The following AZI2 variants were observed in gnomAD, a reference collection of about 807,000 sequenced individuals.
AZI2 encodes 5-azacytidine-induced protein 2.
Under a neutral mutation model 45.8 loss-of-function variants are expected in AZI2, and 22 were observed. The ratio of observed to expected loss-of-function variants is 0.48; its 90% CI spans 0.34 to 0.69. The LOEUF (loss-of-function observed/expected upper bound fraction) is 0.69. Ranked by LOEUF, AZI2 falls within the 30% of genes least tolerant of loss-of-function variation. The probability of loss-of-function intolerance (pLI) is 0.01; values close to 1 mark genes in which losing one functional copy is unlikely to be tolerated. For missense variants in AZI2, 417 were observed against 441.5 expected, an observed-to-expected ratio of 0.94 and a Z score of 0.50; for synonymous variants, 137 against 156.7, an observed-to-expected ratio of 0.87 and a Z score of 0.94.
Position 28,322,944 on chromosome 3 carries a change from C to A in AZI2, c.*1098G>T, listed in dbSNP as rs1038479480. 1 of 151,038 alleles carries A rather than the reference C, an allele frequency of 6.6e-6. No homozygotes were observed. The highest frequency in any genetic ancestry group is 1.5e-5 in the Non-Finnish European group (1 of 67,336). 9.4% of individuals were successfully genotyped at this position (151,038 alleles called of 1,614,324 possible). A position where few individuals can be genotyped will look rare whatever the true frequency, so the allele number is the denominator to read the frequency against. ...GGTGTATGAACCAAGTAAATCTCCA[C>A]CCTGAAAGAACTTAAATTTCCATGT... On this transcript the variant is annotated 3_prime_UTR_variant, in exon 8 of 8. Transcript: ENST00000479665.
At position 28,324,296 on chromosome 3, in the gene AZI2, C is replaced by T. The variant is rs1703297738; in HGVS notation, c.925G>A (p.Val309Ile). The T allele has an allele frequency of 6.2e-6, 10 of 1,607,622 alleles. No homozygotes were observed. Among genetic ancestry groups the T allele is most frequent in the African/African-American group, 1.3e-5 (1 of 74,452 alleles). The change falls in exon 8 of 8, where the codon GTT becomes ATT. Residue 309 changes from valine (V) to isoleucine (I), a missense_variant. Physicochemically the swap from Val to Ile is conservative, Grantham distance 29. Coordinates refer to ENST00000479665, the MANE Select transcript of AZI2 (RefSeq NM_022461.5). ...TSSPLPGDVK[V>I]LSEKAILQSW... ...TGGAGGATTGCTTTCTCTGATAAAA[C>T]CTTTACATCTCCTGGTAAAGGGGAA... is the stretch of plus-strand genomic sequence containing the variant.
intron 1 of AZI2, chr3:28,341,440 C>T (rs1268167986): frequency 6.6e-6 from 1 of 152,022 alleles, no homozygotes; most frequent in African/African-American, 2.4e-5. Context: ...ATATTGATTA[C>T]TGAATGAAGA....
At chr3:28,342,315 C>T (rs184119134) in intron 1 of AZI2, among the ~76,000 whole-genome samples, 1 of 152,050 alleles carries the variant, frequency 6.6e-6, no homozygotes, top group East Asian at 1.9e-4. Flanking sequence ...TCTTCATTAA[C>T]ATCAATTTAA....
At chr3:28,338,695 T>C in intron 2 of AZI2, 80 bp from the exon 3 acceptor site, 1 of 1,265,666 alleles carries the variant, frequency 7.9e-7, no homozygotes, top group Admixed American at 2.4e-5. Context: ...GATGGCTCCA[T>C]ATCTTACTTC....
At position 28,324,556 on chromosome 3, in the gene AZI2, T is replaced by G. The variant is rs1342111616; in HGVS notation, c.767-102A>C. 2.7e-6 allele frequency: 3 copies of G among 1,105,222 alleles called. No homozygotes were observed. The Admixed American group carries it at 9.2e-5, about 34-fold the overall frequency. The allele number at this position is 1,105,222 out of a possible 1,614,324, so 68.5% of individuals were successfully genotyped here. On this transcript the variant is annotated intron_variant, in intron 7 of 7. Coordinates refer to ENST00000479665, the MANE Select transcript of AZI2 (RefSeq NM_022461.5). ...TGAATTCTAGAACTGGTGATGAAAT[T>G]AAGATTTCCAAGTTAGTGTGATCAT...
chr3:28,324,730 C>T (rs1462833942), intron 7 of AZI2: 1 of 298,340 alleles, frequency 3.4e-6, no homozygotes, highest in African/African-American at 2.2e-5. Context: ...CCTGTCCCAA[C>T]TATGTCATAG....
At chr3:28,345,523 G>A (rs540116706) in intron 1 of AZI2, among the ~76,000 whole-genome samples, 12 of 151,994 alleles carry the variant, frequency 7.9e-5, no homozygotes, top group Admixed American at 4.6e-4. Flanking sequence ...TATAAAAAGC[G>A]AATTAGAAAA....
intron 1 of AZI2, among the ~76,000 whole-genome samples, chr3:28,343,929 C>A (rs2125669310): frequency 6.6e-6 from 1 of 152,046 alleles, no homozygotes; most frequent in Admixed American, 6.6e-5. Context: ...AGTAGTCAGA[C>A]TGGTTTACCT....
chr3:28,332,301 A>G, intron 6 of AZI2, 68 bp downstream of exon 6: 1 of 1,369,832 alleles, frequency 7.3e-7, no homozygotes, highest in African/African-American at 1.5e-5. Flanking sequence ...AAAGAAATCT[A>G]AGGACCTACA....
At chr3:28,330,244 T>TA (rs1703523538) in intron 6 of AZI2, among the ~76,000 whole-genome samples, 1 of 151,258 alleles carries the variant, frequency 6.6e-6, no homozygotes, top group Non-Finnish European at 1.5e-5. Context: ...GAGTATCATA[T>TA]AAAAGGCCTC....
chr3:28,338,621 G>A lies in AZI2; in HGVS notation c.217-6C>T, dbSNP rs1471993536. On this transcript the variant is annotated splice_polypyrimidine_tract_variant and splice_region_variant and intron_variant, in intron 2 of 7. Coordinates refer to ENST00000479665, the MANE Select transcript of AZI2 (RefSeq NM_022461.5). ...TCTTCAAATCGAGCTATTAGCTAACGGTATGAAATTAGAAGAGAAAGCTTA... is the reference window on the plus strand; with the variant it reads ...TCTTCAAATCGAGCTATTAGCTAACAGTATGAAATTAGAAGAGAAAGCTTA... The A allele has an allele frequency of 4.4e-6, 7 of 1,604,990 alleles. No homozygotes were observed. The East Asian group carries it at 6.7e-5, about 15-fold the overall frequency.
intron 6 of AZI2, among the ~76,000 whole-genome samples, chr3:28,328,887 T>C (rs920233821): frequency 1.3e-5 from 2 of 151,236 alleles, no homozygotes; most frequent in African/African-American, 4.8e-5. Context: ...ATTATTTAAA[T>C]GATATTGGAA....
chr3:28,331,614 A>G, intron 6 of AZI2: 1 of 1,121,628 alleles, frequency 8.9e-7, no homozygotes, highest in Non-Finnish European at 1.1e-6. Flanking sequence ...GGTTTTTGAT[A>G]GAAATTGGCC....
rs73063566 is a variant in AZI2 at position 28,334,830 on chromosome 3, T to G, written c.588+1907A>C. ...CCCTTCTGGATTACTCTAATCAAAT[T>G]TTTTAAAAAAGCATTTACCTACTGA... On this transcript the variant is annotated intron_variant, in intron 5 of 7. Transcript: ENST00000479665. 9.8e-3 allele frequency among the ~76,000 whole-genome samples: 1,493 copies of G among 152,092 alleles called. 6 individuals are homozygous for G. The highest frequency in any genetic ancestry group is 0.015 in the Non-Finnish European group (1,025 of 67,940).
intron 5 of AZI2, 43 bp downstream of exon 5, chr3:28,336,680 TCCTACATATGATAC>T (rs1703804634): frequency 4.0e-6 from 6 of 1,518,044 alleles, no homozygotes; most frequent in Non-Finnish European, 5.4e-6. Flanking sequence ...TAGTTATAAA[TCCTACATATGATAC>T]ACAAAAAATA....
chr3:28,330,429 G>A (rs1031173066), intron 6 of AZI2, among the ~76,000 whole-genome samples: 8 of 151,240 alleles, frequency 5.3e-5, no homozygotes, highest in African/African-American at 1.9e-4. Flanking sequence ...TGGTTTAATG[G>A]AAATATCCCT....
intron 4 of AZI2, among the ~76,000 whole-genome samples, chr3:28,337,389 G>A (rs769001678): frequency 6.6e-6 from 1 of 152,054 alleles, no homozygotes; most frequent in Non-Finnish European, 1.5e-5. Flanking sequence ...GCTATGCTAA[G>A]AGATTGCATC....
In AZI2 at chr3:28,323,787, C is replaced by T; in HGVS notation, c.*255G>A. On this transcript the variant is annotated 3_prime_UTR_variant, in exon 8 of 8. Transcript: ENST00000479665. ...AATATAGAAGGCAGAGTTTTTTAAA[C>T]ACCTTAAGTTTACTTATTAATTAGT... The T allele has an allele frequency of 3.5e-6, 1 of 286,960 alleles. No individual in the cohort carries two copies. The highest frequency in any genetic ancestry group is 6.4e-6 in the Non-Finnish European group (1 of 156,964). The allele number at this position is 286,960 out of a possible 1,614,324, so 17.8% of individuals were successfully genotyped here.
rs1264471888 is a variant in AZI2, at chr3:28,336,725, A to G, written c.588+12T>C. The G allele has an allele frequency of 6.2e-7, 1 of 1,606,984 alleles. No individual in the cohort carries two copies. Among genetic ancestry groups the G allele is most frequent in the Admixed American group, 1.7e-5 (1 of 59,608 alleles). ...AAATACTGAAATTCTCAATTTAATA[A>G]TTCTGTAATACCGTTTGTTTGGCTT... On this transcript the variant is annotated intron_variant, in intron 5 of 7. Transcript: ENST00000479665.
Sources: allele counts gnomAD v4.1 joint callset (sites outside exome capture counted in the v4.1 genomes callset), GRCh38; gene constraint gnomAD v4.1.1; transcripts MANE v1.5; gene names NCBI Gene and HGNC (gene_info 2026-07-23, HGNC 2026-07-21).